Variants in CLCN5 observed in about 807,000 individuals in gnomAD.
The protein encoded by CLCN5 is Cl-/H+ antiporter 5.
CLCN5 carries 17 observed loss-of-function variants against 54.0 expected under a neutral mutation model. That is an observed-to-expected ratio of 0.31 (90% CI 0.22 to 0.47). The LOEUF (loss-of-function observed/expected upper bound fraction) is 0.47. Ranked by LOEUF, CLCN5 falls within the 20% of genes least tolerant of loss-of-function variation. CLCN5 has a pLI of 1.00. For synonymous variants in CLCN5, 222 were observed against 233.0 expected (o/e 0.95, Z 0.43); for missense variants, 448 against 646.7 (o/e 0.69, Z 3.33).
intron 3 of CLCN5, among the ~76,000 whole-genome samples, chrX:49,944,448 A>T (rs1557171595): frequency 9.0e-6 from 1 of 111,586 alleles, no homozygotes; most frequent in African/African-American, 3.3e-5. Context: ...TATGTTGAAT[A>T]GGAGTGGTGA....
chrX:49,991,019 C>G (rs782131090), intron 3 of CLCN5, among the ~76,000 whole-genome samples: 1 of 112,326 alleles, frequency 8.9e-6, no homozygotes, highest in African/African-American at 3.2e-5. Context: ...CTATAACATG[C>G]GTGTGCAAGT....
intron 4 of CLCN5, among the ~76,000 whole-genome samples, chrX:50,064,220 G>C (rs1932922689): frequency 9.0e-6 from 1 of 111,121 alleles, no homozygotes. Flanking sequence ...AAGTCAAATT[G>C]TCCCTGTTTG....
At position 50,098,018 on chromosome X, in the gene CLCN5, T is replaced by C. The variant is rs558292623; in HGVS notation, c.*5799T>C. The C allele has an allele frequency of 3.1e-4, 35 of 112,111 alleles. No homozygotes were observed. Among genetic ancestry groups the C allele is most frequent in the African/African-American group, 1.1e-3 (34 of 30,765 alleles). 9.2% of individuals were successfully genotyped at this position (112,111 alleles called of 1,213,427 possible). On this transcript the variant is annotated 3_prime_UTR_variant, in exon 15 of 15. Coordinates refer to ENST00000376091, the MANE Select transcript of CLCN5 (RefSeq NM_001127898.4). ...CACATTAAGGGTACCTCAAAATACA[T>C]GGTCCTTCCAGTGTGTTCCTTTTCC...
intron 3 of CLCN5, among the ~76,000 whole-genome samples, chrX:49,945,709 C>A (rs1557171950): frequency 9.7e-6 from 1 of 102,824 alleles, no homozygotes; most frequent in African/African-American, 3.6e-5. Context: ...CCGCCCTGGC[C>A]TCCCAAGGTG....
At chrX:49,965,741 G>T (rs781828502) in intron 3 of CLCN5, among the ~76,000 whole-genome samples, 4 of 111,745 alleles carry the variant, frequency 3.6e-5, no homozygotes, top group African/African-American at 1.3e-4. Flanking sequence ...TTTGCTGAAG[G>T]TTTTTTTTGT....
intron 7 of CLCN5, 110 bp from the exon 8 acceptor site, chrX:50,080,484 G>GT (rs376669143): frequency 0.13 from 58,820 of 443,212 alleles, 16 homozygotes; most frequent in East Asian, 0.16. Context: ...AATCTCGGTG[G>GT]TTTTTTTTTT....
chrX:49,982,127 T>C (rs1928766359), intron 3 of CLCN5, among the ~76,000 whole-genome samples: 2 of 110,706 alleles, frequency 1.8e-5, no homozygotes, highest in Admixed American at 9.6e-5. Context: ...AAAAAAACAG[T>C]TGGAAGTTTT....
rs186632604 is a variant in CLCN5, at chrX:50,067,933, A to C, written c.164-1946A>C. The C allele has an allele frequency of 4.9e-3, 566 of 116,061 alleles. 2 individuals are homozygous for C. The highest frequency in any genetic ancestry group is 6.7e-3 in the Non-Finnish European group (383 of 57,228). The allele number at this position is 116,061 out of a possible 1,213,427, so 9.6% of individuals were successfully genotyped here. On this transcript the variant is annotated intron_variant, in intron 4 of 14. Transcript: ENST00000376091. ...TACAAAGGAGGATGATGCGGTGCTC[A>C]TGTTACCTAGTGATGTAATAGGATT...
rs62592047 is a variant in CLCN5 at position 49,982,918 on chromosome X, A to C, written c.16+57604A>C. Among the ~76,000 whole-genome samples, 239 of 112,214 alleles carry C rather than the reference A, an allele frequency of 2.1e-3. 1 individual carries two copies. Among genetic ancestry groups the C allele is most frequent in the Non-Finnish European group, 3.9e-3 (205 of 53,173 alleles). ...GCTACAAATACTTATTTTAATAGCT[A>C]AATTAAATAATATCACATAGATTCC... is the stretch of plus-strand genomic sequence containing the variant. On this transcript the variant is annotated intron_variant, in intron 3 of 14. Coordinates refer to ENST00000376091, the MANE Select transcript of CLCN5 (RefSeq NM_001127898.4).
chrX:50,032,810 A>G (rs1263660090), intron 3 of CLCN5, among the ~76,000 whole-genome samples: 22 of 109,135 alleles, frequency 2.0e-4, no homozygotes, highest in Non-Finnish European at 3.8e-4. Flanking sequence ...CTATGTCCTG[A>G]ATGGTATTGC....
chrX:49,926,170 T>C (rs1925329932), intron 3 of CLCN5, among the ~76,000 whole-genome samples: 1 of 112,426 alleles, frequency 8.9e-6, no homozygotes, highest in Non-Finnish European at 1.9e-5. Flanking sequence ...TTAAAAATGT[T>C]TCATTGTGTT....
At chrX:49,976,420 G>C (rs1209607177) in intron 3 of CLCN5, among the ~76,000 whole-genome samples, 2 of 111,969 alleles carry the variant, frequency 1.8e-5, no homozygotes, top group Non-Finnish European at 3.8e-5. Flanking sequence ...CCAGGGTGAA[G>C]GGATCATTGG....
chrX:50,055,560 A>G (rs1218385986), intron 4 of CLCN5, among the ~76,000 whole-genome samples: 1 of 112,515 alleles, frequency 8.9e-6, no homozygotes, highest in African/African-American at 3.2e-5. Context: ...TGCCTCCCAG[A>G]ACATAAGTCT....
intron 3 of CLCN5, among the ~76,000 whole-genome samples, chrX:50,036,307 G>A (rs896816572): frequency 1.8e-5 from 2 of 112,103 alleles, no homozygotes; most frequent in Middle Eastern, 4.6e-3. Context: ...TGTTTTGCTT[G>A]ATTTACTTGC....
rs890843073 is a variant in CLCN5, at chrX:50,094,197, C to T, written c.*1978C>T. On this transcript the variant is annotated 3_prime_UTR_variant, in exon 15 of 15. Transcript: ENST00000376091. ...ATTTTTATCTTTAAAATAATCAAGG[C>T]AGTCGCTAGAGTTTCTCCTTGTGAA... is the stretch of plus-strand genomic sequence containing the variant. 9.0e-6 allele frequency: 1 copy of T among 111,650 alleles called. No homozygotes were observed. The highest frequency in any genetic ancestry group is 1.9e-5 in the Non-Finnish European group (1 of 53,123). 9.2% of individuals were successfully genotyped at this position (111,650 alleles called of 1,213,427 possible).
chrX:50,035,452 A>G (rs1024073000), intron 3 of CLCN5, among the ~76,000 whole-genome samples: 4 of 111,592 alleles, frequency 3.6e-5, no homozygotes, highest in Non-Finnish European at 5.6e-5. Context: ...TGCCAGAACA[A>G]TGGAAGTGAG....
At chrX:50,028,860 A>C (rs1384970060) in intron 3 of CLCN5, among the ~76,000 whole-genome samples, 2 of 111,879 alleles carry the variant, frequency 1.8e-5, no homozygotes, top group Non-Finnish European at 3.8e-5. Flanking sequence ...GCAAGAAGTT[A>C]TTTCTTTATT....
At chrX:49,933,242 G>T (rs1925755065) in intron 3 of CLCN5, among the ~76,000 whole-genome samples, 1 of 111,609 alleles carries the variant, frequency 9.0e-6, no homozygotes, top group Non-Finnish European at 1.9e-5. Context: ...AAATAATAAA[G>T]AAATAAATTT....
intron 3 of CLCN5, among the ~76,000 whole-genome samples, chrX:49,933,209 A>G (rs1206414143): frequency 1.8e-5 from 2 of 111,704 alleles, no homozygotes; most frequent in Non-Finnish European, 3.8e-5. Context: ...CAGGTACTCA[A>G]GAAGCGAATT....
Sources: allele counts gnomAD v4.1 joint callset (sites outside exome capture counted in the v4.1 genomes callset), GRCh38; gene constraint gnomAD v4.1.1; transcripts MANE v1.5; gene names NCBI Gene and HGNC (gene_info 2026-07-23, HGNC 2026-07-21).